RBM5: variants seen among roughly 807,000 people sequenced by gnomAD.
RBM5 encodes the protein RNA-binding protein 5.
Under a neutral mutation model 124.6 loss-of-function variants are expected in RBM5, and 15 were observed. The observed-to-expected ratio is 0.12, with a 90% confidence interval of 0.08 to 0.19. RBM5 has a LOEUF of 0.19. RBM5 is among the 10% of genes least tolerant of loss of function. The pLI, the probability that RBM5 is intolerant of heterozygous loss-of-function variation, is 1.00. For missense variants in RBM5, 580 were observed against 1,026.5 expected (o/e 0.57, Z 5.94); for synonymous variants, 337 against 361.2 (o/e 0.93, Z 0.76).
intron 3 of RBM5, 105 bp downstream of exon 3, chr3:50,092,313 T>A: frequency 1.5e-6 from 2 of 1,304,880 alleles, no homozygotes; most frequent in Non-Finnish European, 2.1e-6. Flanking sequence ...CATAATCCTA[T>A]CACTTTGGGA....
At chr3:50,106,740 G>GT in intron 10 of RBM5, 27 bp from the exon 11 acceptor site, 2 of 1,505,756 alleles carry the variant, frequency 1.3e-6, no homozygotes, top group South Asian at 1.1e-5. Context: ...TGCATTACAC[G>GT]TTTTTTTCCT....
At chr3:50,106,720 G>A (rs763363449) in intron 10 of RBM5, 47 bp from the exon 11 acceptor site, 9 of 1,367,178 alleles carry the variant, frequency 6.6e-6, no homozygotes, top group Non-Finnish European at 9.4e-6. Flanking sequence ...GGTAGGGAGA[G>A]ATTTTTAATT....
intron 24 of RBM5, 60 bp from the exon 25 acceptor site, chr3:50,118,271 G>A (rs2091294718): frequency 1.2e-6 from 2 of 1,602,642 alleles, no homozygotes; most frequent in South Asian, 2.2e-5. Flanking sequence ...GAGTGGGCAT[G>A]GTGAGAGGTG....
chr3:50,089,223 A>G (rs1354925619), intron 1 of RBM5, among the ~76,000 whole-genome samples, 194 bp downstream of exon 1: 1 of 152,228 alleles, frequency 6.6e-6, no homozygotes, highest in Non-Finnish European at 1.5e-5. Flanking sequence ...GTGTCCAGCC[A>G]GCTCAGCCTT....
intron 4 of RBM5, chr3:50,094,104 T>C (rs2090760399): frequency 2.3e-6 from 1 of 433,614 alleles, no homozygotes; most frequent in Non-Finnish European, 4.2e-6. Context: ...TCATTTGTAT[T>C]TTGTATATGT....
intron 4 of RBM5, 74 bp from the exon 5 acceptor site, chr3:50,099,908 G>T: frequency 2.3e-6 from 3 of 1,303,728 alleles, no homozygotes; most frequent in Non-Finnish European, 3.2e-6. Context: ...TTAAACAGTT[G>T]ATGTAATTCC....
chr3:50,113,217 C>G, intron 17 of RBM5, 166 bp from the exon 18 acceptor site: 1 of 578,400 alleles, frequency 1.7e-6, no homozygotes, highest in Non-Finnish European at 3.0e-6. Context: ...CACCTCTTTG[C>G]TAGGTGGTTC....
Position 50,117,995 on chromosome 3 carries a change from A to G in RBM5, c.2323-336A>G, listed in dbSNP as rs2091288813. 2 of 291,816 alleles carry G rather than the reference A, an allele frequency of 6.9e-6. No individual in the cohort carries two copies. The highest frequency in any genetic ancestry group is 4.3e-5 in the African/African-American group (2 of 46,544). The allele number at this position is 291,816 out of a possible 1,614,324, so 18.1% of individuals were successfully genotyped here. ...CATCCTGTTTATGTGAGTTCTGCTG[A>G]CATTGAGCTATCCTGTATAATGTGT... On this transcript the variant is annotated intron_variant, in intron 24 of 24. Transcript: ENST00000347869. The surrounding 1 kb of genome is among the most constrained non-coding windows in gnomAD (Gnocchi z 4.2).
rs192020557 is a variant in RBM5 at position 50,100,982 on chromosome 3, G to A, written c.483+377G>A. On this transcript the variant is annotated intron_variant, in intron 6 of 24. Coordinates refer to ENST00000347869, the MANE Select transcript of RBM5 (RefSeq NM_005778.4). The surrounding 1 kb of genome is among the most constrained non-coding windows in gnomAD (Gnocchi z 5.1). ...AGAGAACATAGTGAAAGTCTGTGGCGGCATTTTTATAAGTAATTCCTTATT... is the reference window on the plus strand; with the variant it reads ...AGAGAACATAGTGAAAGTCTGTGGCAGCATTTTTATAAGTAATTCCTTATT... 391 of 165,704 alleles carry A rather than the reference G, an allele frequency of 2.4e-3. 3 individuals carry two copies. Among genetic ancestry groups the A allele is most frequent in the African/African-American group, 9.0e-3 (379 of 42,098 alleles). The allele number at this position is 165,704 out of a possible 1,614,324, so 10.3% of individuals were successfully genotyped here. A position where few individuals can be genotyped will look rare whatever the true frequency, so the allele number is the denominator to read the frequency against.
intron 6 of RBM5, chr3:50,102,402 AG>A (rs1559685038): frequency 6.6e-6 from 1 of 152,164 alleles, no homozygotes; most frequent in African/African-American, 2.4e-5. Flanking sequence ...CCTTGAAGAG[AG>A]TACCATCCAT....
intron 7 of RBM5, among the ~76,000 whole-genome samples, chr3:50,103,874 C>G (rs2090986582): frequency 6.6e-6 from 1 of 152,062 alleles, no homozygotes; most frequent in Non-Finnish European, 1.5e-5. Context: ...AACTGTGTCC[C>G]CTGTCCAGTA....
At chr3:50,104,181 C>T in intron 7 of RBM5, 67 bp from the exon 8 acceptor site, 1 of 1,397,402 alleles carries the variant, frequency 7.2e-7, no homozygotes. Flanking sequence ...CGTGGCCCCA[C>T]TGTTATTGTT....
chr3:50,113,787 T>A lies in RBM5; in HGVS notation c.1618-163T>A, dbSNP rs2091191075. Among the ~76,000 whole-genome samples, 3 of 152,238 alleles carry A rather than the reference T, an allele frequency of 2.0e-5. No individual in the cohort carries two copies. In the South Asian group the frequency reaches 6.2e-4, roughly 32 times the overall value. On this transcript the variant is annotated intron_variant, in intron 18 of 24. Coordinates refer to ENST00000347869, the MANE Select transcript of RBM5 (RefSeq NM_005778.4). ...TTTTCAAGCAGTATTTATGAATGAC[T>A]TTGGTTATATGTGATAACATCTAAT...
chr3:50,104,853 C>T, intron 8 of RBM5: 1 of 441,176 alleles, frequency 2.3e-6, no homozygotes, highest in Non-Finnish European at 4.1e-6. Flanking sequence ...CTGCATCTGC[C>T]TTTCTTTAGT....
intron 15 of RBM5, 61 bp downstream of exon 15, chr3:50,109,749 C>T: frequency 2.2e-6 from 3 of 1,334,972 alleles, no homozygotes; most frequent in Non-Finnish European, 3.2e-6. Context: ...TTTTGCTATA[C>T]AAGTATTACC....
At chr3:50,102,424 AAC>A (rs2090957672) in intron 6 of RBM5, 1 of 152,160 alleles carries the variant, frequency 6.6e-6, no homozygotes, top group Admixed American at 6.6e-5. Context: ...TTTAGTGAAA[AAC>A]ACATCTGTCA....
chr3:50,115,424 C>T lies in RBM5; in HGVS notation c.1840-4C>T. On this transcript the variant is annotated splice_region_variant and splice_polypyrimidine_tract_variant and intron_variant, in intron 20 of 24. Coordinates refer to ENST00000347869, the MANE Select transcript of RBM5 (RefSeq NM_005778.4). ...CCAGTGACCTGTCCTCCTTTTGTCT[C>T]CAGAGGGGTCTGGTTGCTGCTTACA... The T allele has an allele frequency of 1.2e-6, 2 of 1,613,180 alleles. No homozygotes were observed. The highest frequency in any genetic ancestry group is 2.2e-5 in the East Asian group (1 of 44,864).
At position 50,118,969 on chromosome 3, in the gene RBM5, C is replaced by CTGTG. The variant is rs755416554; in HGVS notation, c.*515_*518dup. 6 of 153,758 alleles carry CTGTG rather than the reference C, an allele frequency of 3.9e-5. No individual in the cohort carries two copies. The highest frequency in any genetic ancestry group is 7.3e-5 in the Non-Finnish European group (5 of 68,820). 9.5% of individuals were successfully genotyped at this position (153,758 alleles called of 1,614,324 possible). ...AGAAATACCTTGAGAAATGGGTGTC[C>CTGTG]TGTGTCTCTTTATTCTTGGGTGGGT... On this transcript the variant is annotated 3_prime_UTR_variant, in exon 25 of 25. Coordinates refer to ENST00000347869, the MANE Select transcript of RBM5 (RefSeq NM_005778.4).
intron 3 of RBM5, chr3:50,092,812 G>T: frequency 2.3e-6 from 1 of 431,862 alleles, no homozygotes; most frequent in Non-Finnish European, 4.7e-6. Context: ...AATTTGGGAG[G>T]CCGAGGCAGG....
Sources: allele counts gnomAD v4.1 joint callset (sites outside exome capture counted in the v4.1 genomes callset), GRCh38; gene constraint gnomAD v4.1.1; non-coding constraint Gnocchi (gnomAD v3.1); transcripts MANE v1.5; gene names NCBI Gene and HGNC (gene_info 2026-07-23, HGNC 2026-07-21).